The following GREB1 variants were observed in gnomAD, a reference collection of about 807,000 sequenced individuals.
GREB1 encodes protein GREB1.
In GREB1, 106 loss-of-function variants were observed where a neutral mutation model predicts 200.7. The ratio of observed to expected loss-of-function variants is 0.53; its 90% confidence interval spans 0.45 to 0.62. GREB1 has a LOEUF of 0.62. Ranked by LOEUF, GREB1 falls within the 20% of genes least tolerant of loss-of-function variation. The pLI, the probability that GREB1 is intolerant of heterozygous loss-of-function variation, is 0.00. For missense variants in GREB1, 2,243 were observed against 2,556.8 expected (o/e 0.88, Z 2.65); for synonymous variants, 1,132 against 1,092.4 (o/e 1.04, Z -0.72).
At chr2:11,614,952 G>A in intron 19 of GREB1, 139 bp from the exon 20 acceptor site, 1 of 664,888 alleles carries the variant, frequency 1.5e-6, no homozygotes, top group South Asian at 1.8e-5. Context: ...TAACACTGTT[G>A]GCTTTTCCAC....
At chr2:11,594,173 G>C (rs569211115) in intron 11 of GREB1, among the ~76,000 whole-genome samples, 58 of 151,934 alleles carry the variant, frequency 3.8e-4, no homozygotes, top group African/African-American at 1.3e-3. Flanking sequence ...ACCACACCCA[G>C]CTCAGTTTTG....
At position 11,618,458 on chromosome 2, in the gene GREB1, G is replaced by A. The variant is rs749481188; in HGVS notation, c.3583G>A (p.Gly1195Arg). The A allele has an allele frequency of 3.1e-5, 50 of 1,605,232 alleles. 1 individual carries two copies. Among genetic ancestry groups the A allele is most frequent in the East Asian group, 9.0e-5 (4 of 44,476 alleles). The change falls in exon 22 of 33, where the codon GGG becomes AGG. Residue 1195 changes from glycine (G) to arginine (R), a missense_variant. Physicochemically the swap from Gly to Arg is moderately radical, Grantham distance 125. Transcript: ENST00000381486. Reference protein sequence around the residue: ...PPSAISRHSPGPTPQPDCSLR... With the variant: ...PPSAISRHSPRPTPQPDCSLR... Reference sequence around the variant, plus strand: ...CTCGGCCATCAGCAGGCACAGTCCCGGGCCGACGCCCCAGCCCGACTGTAG... The same window carrying A: ...CTCGGCCATCAGCAGGCACAGTCCCAGGCCGACGCCCCAGCCCGACTGTAG...
chr2:11,486,725 A>G (rs1672664873), intron 1 of GREB1, among the ~76,000 whole-genome samples: 1 of 151,804 alleles, frequency 6.6e-6, no homozygotes, highest in South Asian at 2.1e-4. Flanking sequence ...AAAATTAGCC[A>G]GGCGTGGTGG....
rs548109583 is a variant in GREB1 at position 11,629,665 on chromosome 2, G to A, written c.4450-283G>A. On this transcript the variant is annotated intron_variant, in intron 25 of 32. Transcript: ENST00000381486. The surrounding 1 kb of genome is among the most constrained non-coding windows in gnomAD (Gnocchi z 5.2). ...GGGCTCTGGTCAGGTTCAAAGCCAC[G>A]GGGACCAGAAAGCTTGATGCCTGCT... Among the ~76,000 whole-genome samples, 143 of 152,306 alleles carry A rather than the reference G, an allele frequency of 9.4e-4. No individual in the cohort carries two copies. Among genetic ancestry groups the A allele is most frequent in the Non-Finnish European group, 1.7e-3 (114 of 68,022 alleles).
At chr2:11,555,817 CTG>C (rs1372884111) in intron 1 of GREB1, among the ~76,000 whole-genome samples, 6 of 152,262 alleles carry the variant, frequency 3.9e-5, no homozygotes, top group African/African-American at 1.4e-4. Context: ...TTACACGACA[CTG>C]TGAATATACG....
Position 11,596,129 on chromosome 2 carries a change from T to C in GREB1, c.1844T>C (p.Leu615Ser). The change falls in exon 13 of 33, where the codon TTG (leucine) becomes TCG (serine). Residue 615 changes from leucine to serine, a missense_variant. Coordinates refer to ENST00000381486, the MANE Select transcript of GREB1 (RefSeq NM_014668.4). ...TGGGCAGAGGGTGACATTGACATTT[T>C]GCTGGACAAATTTCACCAGGAAAAT... ...TLCPEGDIDI[L>S]LDKFHQENQG... 6.2e-7 allele frequency: 1 copy of C among 1,613,784 alleles called. No homozygotes were observed. The highest frequency in any genetic ancestry group is 8.5e-7 in the Non-Finnish European group (1 of 1,179,754).
chr2:11,590,562 C>T (rs1237658811), intron 10 of GREB1, among the ~76,000 whole-genome samples: 2 of 152,176 alleles, frequency 1.3e-5, no homozygotes, highest in Non-Finnish European at 2.9e-5. Context: ...TTGGGTCACT[C>T]ATCATCTCCT....
intron 1 of GREB1, among the ~76,000 whole-genome samples, chr2:11,536,637 G>A (rs1301702448): frequency 6.6e-6 from 1 of 152,228 alleles, no homozygotes; most frequent in Non-Finnish European, 1.5e-5. Flanking sequence ...GGCAAGAAGA[G>A]ATACTGGCAT....
intron 20 of GREB1, among the ~76,000 whole-genome samples, 163 bp from the exon 21 acceptor site, chr2:11,616,465 TCTC>T (rs1245986448): frequency 6.6e-6 from 1 of 152,210 alleles, no homozygotes; most frequent in Non-Finnish European, 1.5e-5. Context: ...CTCCCTCCTG[TCTC>T]CTCAGTGCTC....
intron 1 of GREB1, among the ~76,000 whole-genome samples, chr2:11,522,623 G>C (rs534017285): frequency 6.6e-6 from 1 of 152,118 alleles, no homozygotes; most frequent in Non-Finnish European, 1.5e-5. Context: ...TGGCAGGTGT[G>C]GTTCAACTCC....
intron 1 of GREB1, among the ~76,000 whole-genome samples, chr2:11,543,778 G>C (rs765868716): frequency 6.6e-6 from 1 of 152,164 alleles, no homozygotes; most frequent in African/African-American, 2.4e-5. Flanking sequence ...ACCCCAGAGC[G>C]CTGTGTTCTC....
chr2:11,535,051 T>A (rs1174883831), intron 1 of GREB1, among the ~76,000 whole-genome samples: 1 of 152,176 alleles, frequency 6.6e-6, no homozygotes, highest in African/African-American at 2.4e-5. Flanking sequence ...GCTTTCGGTA[T>A]TTTTTGCCTG....
intron 23 of GREB1, among the ~76,000 whole-genome samples, chr2:11,622,904 G>T (rs1313725678): frequency 6.6e-6 from 1 of 152,206 alleles, no homozygotes; most frequent in African/African-American, 2.4e-5. Context: ...CAAGGCTGTT[G>T]CTCTGGATGG....
upstream of GREB1, among the ~76,000 whole-genome samples, chr2:11,532,364 G>T (rs1435579169): frequency 2.0e-5 from 3 of 152,132 alleles, no homozygotes; most frequent in Non-Finnish European, 4.4e-5. Context: ...ATAAAATAAA[G>T]AAAATCAAGT....
intron 17 of GREB1, among the ~76,000 whole-genome samples, chr2:11,603,885 G>A (rs1051975340): frequency 1.3e-5 from 2 of 152,230 alleles, no homozygotes; most frequent in Admixed American, 1.3e-4. Flanking sequence ...AGTGAGATAG[G>A]AAATACTGTT....
intron 7 of GREB1, chr2:11,581,220 G>A (rs1165102348): frequency 1.6e-5 from 9 of 563,778 alleles, no homozygotes; most frequent in Admixed American, 3.4e-5. Flanking sequence ...TCTCTTGTTA[G>A]TCAGGGGACC....
At chr2:11,507,199 A>C (rs897344193) in intron 1 of GREB1, among the ~76,000 whole-genome samples, 3 of 152,330 alleles carry the variant, frequency 2.0e-5, no homozygotes, top group Non-Finnish European at 4.4e-5. Flanking sequence ...ACCTGAGGTC[A>C]GGAGTTTCAG....
intron 4 of GREB1, among the ~76,000 whole-genome samples, chr2:11,572,750 G>A (rs952168782): frequency 6.6e-6 from 1 of 151,656 alleles, no homozygotes; most frequent in Non-Finnish European, 1.5e-5. Context: ...TAGATATCTC[G>A]TAGGCACTTA....
intron 1 of GREB1, among the ~76,000 whole-genome samples, chr2:11,510,974 A>G (rs1409172459): frequency 6.6e-6 from 1 of 152,148 alleles, no homozygotes; most frequent in Non-Finnish European, 1.5e-5. Flanking sequence ...TGCCTGGCCA[A>G]TTATGAACGT....
Sources: gnomAD v4.1 joint callset for allele counts (sites outside exome capture counted in the v4.1 genomes callset) on GRCh38, gnomAD v4.1.1 for gene constraint, Gnocchi (gnomAD v3.1) non-coding constraint, MANE v1.5 for transcripts, NCBI Gene and HGNC (gene_info 2026-07-23, HGNC 2026-07-21) for gene names.